The following DOCK1 variants were observed in gnomAD, a reference collection of about 807,000 sequenced individuals.
DOCK1 encodes dedicator of cytokinesis protein 1.
In DOCK1, 138 loss-of-function variants were observed where a neutral mutation model predicts 262.7. The observed-to-expected ratio is 0.53, with a 90% CI of 0.46 to 0.61. The LOEUF (loss-of-function observed/expected upper bound fraction) is 0.61. DOCK1 is among the 20% of genes least tolerant of loss of function. The pLI is 0.00. For synonymous variants in DOCK1, 866 were observed against 867.4 expected, an observed-to-expected ratio of 1.00 and a Z score of 0.03; for missense variants, 1,908 against 2,370.7, an observed-to-expected ratio of 0.80 and a Z score of 4.05.
chr10:126,905,500 G>A lies in DOCK1; in HGVS notation c.-18G>A. ...ACGCGGAGTTTCCTGCCCGACCCGC[G>A]GCGGCTCCGGCGGCGCCATGACGCG... On this transcript the variant is annotated 5_prime_UTR_variant, in exon 1 of 52. Coordinates refer to ENST00000623213, the MANE Select transcript of DOCK1 (RefSeq NM_001290223.2). 2 of 532,192 alleles carry A rather than the reference G, an allele frequency of 3.8e-6. No homozygotes were observed. Among genetic ancestry groups the A allele is most frequent in the Non-Finnish European group, 6.9e-6 (2 of 289,798 alleles). 33.0% of individuals were successfully genotyped at this position (532,192 alleles called of 1,614,324 possible).
intron 40 of DOCK1, among the ~76,000 whole-genome samples, chr10:127,405,441 CTT>C (rs36056116): frequency 1.3e-4 from 17 of 134,104 alleles, no homozygotes; most frequent in Admixed American, 1.5e-4. Flanking sequence ...TTTCTTATGA[CTT>C]TTTTTTTTTT....
rs1164456870 is a variant in DOCK1, at chr10:126,963,669, TCCTC to T, written c.47-7025_47-7022del. Among the ~76,000 whole-genome samples the T allele has an allele frequency of 1.0e-3, 114 of 109,878 alleles. 10 individuals are homozygous for T. The highest frequency in any genetic ancestry group is 3.7e-3 in the African/African-American group (107 of 28,704). 72.1% of individuals were successfully genotyped at this position (109,878 alleles called of 152,430 possible). ...TTCCTTCCTTCCTTCCTTCCTTCCT[TCCTC>T]CCTCCCTTCCTCCCTTCCTTCCTTC... On this transcript the variant is annotated intron_variant, in intron 1 of 51. Transcript: ENST00000623213.
Position 127,180,594 on chromosome 10 carries a change from C to A in DOCK1, c.2847+52830C>A, listed in dbSNP as rs564260866. The stretch of plus-strand genomic sequence containing the variant: ...CAAAGTGAGCTGTAAATACATAAAC[C>A]CTGCATTTTTAGATTAGTGACGGAG... On this transcript the variant is annotated intron_variant, in intron 27 of 51. Transcript: ENST00000623213. Among the ~76,000 whole-genome samples, 30 of 152,130 alleles carry A rather than the reference C, an allele frequency of 2.0e-4. No individual in the cohort carries two copies. The South Asian group carries it at 6.0e-3, about 31-fold the overall frequency.
At chr10:127,018,913 C>T in intron 13 of DOCK1, 78 bp downstream of exon 13, 2 of 1,570,886 alleles carry the variant, frequency 1.3e-6, no homozygotes, top group South Asian at 2.3e-5. Flanking sequence ...TGGGCAGCAT[C>T]ATGTATGAGC....
intron 1 of DOCK1, among the ~76,000 whole-genome samples, chr10:126,969,436 G>A (rs1006991180): frequency 2.0e-5 from 3 of 152,222 alleles, no homozygotes; most frequent in Admixed American, 2.0e-4. Flanking sequence ...GCACCTTCCT[G>A]TCCTTGGAGG....
intron 35 of DOCK1, among the ~76,000 whole-genome samples, chr10:127,378,881 C>T (rs559676689): frequency 1.3e-5 from 2 of 152,322 alleles, no homozygotes; most frequent in South Asian, 2.1e-4. Flanking sequence ...TCAGAGGCAA[C>T]AGAACTTGAA....
intron 29 of DOCK1, among the ~76,000 whole-genome samples, chr10:127,288,549 A>G (rs1331197943): frequency 6.6e-6 from 1 of 152,028 alleles, no homozygotes; most frequent in Non-Finnish European, 1.5e-5. Flanking sequence ...AAAAAAATCA[A>G]CATGAATTCA....
At chr10:127,242,639 A>C (rs1054422329) in intron 27 of DOCK1, among the ~76,000 whole-genome samples, 1 of 151,970 alleles carries the variant, frequency 6.6e-6, no homozygotes, top group Non-Finnish European at 1.5e-5. Context: ...CATCACCATT[A>C]TGTTTTTTTT....
At chr10:127,075,090 A>G (rs549394365) in intron 23 of DOCK1, among the ~76,000 whole-genome samples, 2 of 149,172 alleles carry the variant, frequency 1.3e-5, no homozygotes, top group East Asian at 4.0e-4. Flanking sequence ...AATCGCCTGA[A>G]CACAGGAGGT....
intron 27 of DOCK1, among the ~76,000 whole-genome samples, chr10:127,236,473 TTTGCACATTGATCCTTC>T (rs2059059182): frequency 6.7e-6 from 1 of 149,734 alleles, no homozygotes; most frequent in Non-Finnish European, 1.5e-5. Context: ...GAAAGTACAG[TTTGCACATTGATCCTTC>T]TTGACACGGG....
intron 1 of DOCK1, among the ~76,000 whole-genome samples, chr10:126,930,331 G>A (rs1277441118): frequency 1.3e-5 from 2 of 152,342 alleles, no homozygotes; most frequent in Middle Eastern, 3.4e-3. Flanking sequence ...GTGGAATTGC[G>A]GGGTCACGTG....
At chr10:127,054,973 A>G (rs2045035152) in intron 22 of DOCK1, among the ~76,000 whole-genome samples, 1 of 152,216 alleles carries the variant, frequency 6.6e-6, no homozygotes, top group Non-Finnish European at 1.5e-5. Flanking sequence ...ACCCAGGTTG[A>G]CCAGTAGCAA....
intron 22 of DOCK1, among the ~76,000 whole-genome samples, chr10:127,053,800 G>A (rs1486334576): frequency 2.6e-5 from 4 of 152,176 alleles, no homozygotes; most frequent in African/African-American, 7.2e-5. Context: ...GTTGGCCCAC[G>A]CCTCTTCACT....
intron 27 of DOCK1, among the ~76,000 whole-genome samples, chr10:127,198,364 C>T (rs756652984): frequency 3.9e-5 from 6 of 152,218 alleles, no homozygotes; most frequent in Non-Finnish European, 8.8e-5. Context: ...ATCTGCCTTC[C>T]GTCTTTTAAA....
intron 42 of DOCK1, among the ~76,000 whole-genome samples, chr10:127,409,757 A>G (rs11017927): frequency 0.25 from 38,766 of 152,084 alleles, 5,219 homozygotes; most frequent in African/African-American, 0.33. Context: ...CAGCAAAGCC[A>G]AGTTCATACA....
At chr10:127,207,351 A>T (rs1436977436) in intron 27 of DOCK1, among the ~76,000 whole-genome samples, 1 of 152,222 alleles carries the variant, frequency 6.6e-6, no homozygotes. Context: ...TAGAAAGCTT[A>T]CAAGGAAGTT....
chr10:127,088,433 C>T (rs10829349), intron 23 of DOCK1, among the ~76,000 whole-genome samples: 385 of 152,222 alleles, frequency 2.5e-3, no homozygotes, highest in Admixed American at 4.4e-3. Flanking sequence ...TGGTTATGTG[C>T]ATGGTAGATA....
At chr10:127,347,513 G>A (rs542279288) in intron 31 of DOCK1, among the ~76,000 whole-genome samples, 5 of 152,272 alleles carry the variant, frequency 3.3e-5, no homozygotes, top group South Asian at 4.2e-4. Context: ...AGGGCATGGC[G>A]CCATCTACAT....
intron 27 of DOCK1, among the ~76,000 whole-genome samples, chr10:127,198,176 GGGGCCTGGGAA>G (rs1296775235): frequency 6.6e-6 from 1 of 152,218 alleles, no homozygotes; most frequent in Non-Finnish European, 1.5e-5. Context: ...CTGCCTGGAA[GGGGCCTGGGAA>G]GGGAATGTAT....
Sources: gnomAD v4.1 joint callset for allele counts (sites outside exome capture counted in the v4.1 genomes callset) on GRCh38, gnomAD v4.1.1 for gene constraint, MANE v1.5 for transcripts, NCBI Gene and HGNC (gene_info 2026-07-23, HGNC 2026-07-21) for gene names.